The following RDX variants were observed in gnomAD, a reference collection of about 807,000 sequenced individuals.
The protein encoded by RDX is deafness, autosomal recessive 24.
Under a neutral mutation model 83.7 loss-of-function variants are expected in RDX, and 32 were observed. That is an observed-to-expected ratio of 0.38 (90% confidence interval 0.29 to 0.51). RDX has a LOEUF of 0.51. Ranked by LOEUF, RDX falls within the 20% of genes least tolerant of loss-of-function variation. The pLI, the probability that RDX is intolerant of heterozygous loss-of-function variation, is 0.87. For missense variants in RDX, 600 were observed against 689.9 expected (o/e 0.87, Z 1.46); for synonymous variants, 229 against 222.7 (o/e 1.03, Z -0.25).
At chr11:110,225,410 C>T (rs1264853961), downstream of RDX, among the ~76,000 whole-genome samples, 2 of 151,976 alleles carry the variant, frequency 1.3e-5, no homozygotes, top group Non-Finnish European at 2.9e-5. Context: ...AGAATTCCTA[C>T]AACAGAAAAA....
intron 15 of RDX, among the ~76,000 whole-genome samples, chr11:110,192,356 C>G (rs1214980599): frequency 6.6e-6 from 1 of 152,128 alleles, no homozygotes; most frequent in Non-Finnish European, 1.5e-5. Flanking sequence ...GAAACTAGAC[C>G]ACTACCTTTC....
chr11:110,240,988 G>C (rs186815781), intron 10 of RDX, among the ~76,000 whole-genome samples: 1 of 144,720 alleles, frequency 6.9e-6, no homozygotes, highest in Non-Finnish European at 1.5e-5. Context: ...CCCAGGAGGC[G>C]GAGGTTGCAG....
At chr11:110,240,474 T>G (rs1865041732) in intron 10 of RDX, among the ~76,000 whole-genome samples, 1 of 152,176 alleles carries the variant, frequency 6.6e-6, no homozygotes, top group South Asian at 2.1e-4. Context: ...CCGGGCGCGG[T>G]GGCTCACGCC....
At chr11:110,243,413 A>G (rs1273271783) in intron 10 of RDX, among the ~76,000 whole-genome samples, 1 of 152,190 alleles carries the variant, frequency 6.6e-6, no homozygotes, top group Non-Finnish European at 1.5e-5. Context: ...AAACACTAGT[A>G]ACAGGAATAA....
intron 1 of RDX, among the ~76,000 whole-genome samples, chr11:110,286,839 A>T (rs1861000967): frequency 6.6e-6 from 1 of 152,226 alleles, no homozygotes; most frequent in Non-Finnish European, 1.5e-5. Flanking sequence ...AGAAGTTCTT[A>T]ATCATTTTAT....
chr11:110,240,936 A>G (rs1321789345), intron 10 of RDX, among the ~76,000 whole-genome samples: 3 of 143,074 alleles, frequency 2.1e-5, no homozygotes, highest in Non-Finnish European at 4.6e-5. Flanking sequence ...GGCGCCTGTA[A>G]CCTCAGCTAC....
At chr11:110,240,677 G>A (rs542827123) in intron 10 of RDX, among the ~76,000 whole-genome samples, 1 of 149,332 alleles carries the variant, frequency 6.7e-6, no homozygotes, top group African/African-American at 2.5e-5. Flanking sequence ...CCCGGGAGGC[G>A]GAGCTTGCAG....
chr11:110,182,045 C>T (rs894550667), intron 15 of RDX, among the ~76,000 whole-genome samples: 1 of 152,182 alleles, frequency 6.6e-6, no homozygotes, highest in Non-Finnish European at 1.5e-5. Flanking sequence ...CCAGGGCCAG[C>T]ACAAGAGAAG....
chr11:110,239,831 ACT>A (rs1469922210), intron 10 of RDX, among the ~76,000 whole-genome samples: 2 of 147,574 alleles, frequency 1.4e-5, no homozygotes, highest in Admixed American at 6.9e-5. Context: ...ATAGAGGAAG[ACT>A]CTGTTTTTAA....
rs1379664354 is a variant in RDX, at chr11:110,233,275, C to T, written c.1549G>A (p.Glu517Lys). Residue 517 changes from glutamate (E) to lysine (K), a missense_variant, in exon 13 of 14, where the codon GAA becomes AAA. Coordinates refer to ENST00000645495, the MANE Select transcript of RDX (RefSeq NM_002906.4). ...TTAACACGCTCATTTTTCTGTGTTTCGGTTACACGTTCTTCCTCGCTTCTA... is the reference window on the plus strand; with the variant it reads ...TTAACACGCTCATTTTTCTGTGTTTTGGTTACACGTTCTTCCTCGCTTCTA... Reference protein sequence around the residue: ...NHRSEEERVTETQKNERVKKQ... With the variant: ...NHRSEEERVTKTQKNERVKKQ... The T allele has an allele frequency of 2.5e-6, 4 of 1,613,818 alleles. No homozygotes were observed. Among genetic ancestry groups the T allele is most frequent in the Non-Finnish European group, 2.5e-6 (3 of 1,179,974 alleles).
At chr11:110,224,207 TTA>T (rs746401471) in intron 14 of RDX, among the ~76,000 whole-genome samples, 1 of 150,750 alleles carries the variant, frequency 6.6e-6, no homozygotes, top group Admixed American at 6.6e-5. Flanking sequence ...CCCAAACTGT[TTA>T]TATATATATA....
chr11:110,289,985 A>G (rs34146934), intron 1 of RDX, among the ~76,000 whole-genome samples: 1 of 147,892 alleles, frequency 6.8e-6, no homozygotes, highest in African/African-American at 2.5e-5. Flanking sequence ...AAAAAAAACA[A>G]GGGTCCTTAC....
intron 14 of RDX, among the ~76,000 whole-genome samples, chr11:110,215,362 C>CAAA (rs998888063): frequency 2.4e-5 from 3 of 125,810 alleles, no homozygotes; most frequent in Non-Finnish European, 4.9e-5. Flanking sequence ...GACTCCATCT[C>CAAA]AAAAAATAAA....
In RDX at chr11:110,271,537, C is replaced by G. The variant is rs148526337; in HGVS notation, c.96+999G>C. Among the ~76,000 whole-genome samples, 46 of 152,252 alleles carry G rather than the reference C, an allele frequency of 3.0e-4. No homozygotes were observed. In the East Asian group the frequency reaches 5.0e-3, roughly 17 times the overall value. On this transcript the variant is annotated intron_variant, in intron 3 of 13. Coordinates refer to ENST00000645495, the MANE Select transcript of RDX (RefSeq NM_002906.4). ...TACCTCGTTTTCTCAGCAAAACTTGCTTACATTGCAATACAACATTATCTG... is the reference window on the plus strand; with the variant it reads ...TACCTCGTTTTCTCAGCAAAACTTGGTTACATTGCAATACAACATTATCTG...
downstream of RDX, among the ~76,000 whole-genome samples, chr11:110,225,255 A>G (rs923103178): frequency 2.0e-5 from 3 of 152,268 alleles, no homozygotes; most frequent in African/African-American, 7.2e-5. Context: ...CATCAAAATT[A>G]AAAACTTTTG....
At chr11:110,272,452 A>G (rs905225331) in intron 3 of RDX, 84 bp downstream of exon 3, 39 of 922,604 alleles carry the variant, frequency 4.2e-5, no homozygotes, top group Non-Finnish European at 6.3e-5. Context: ...ATTATCAGCA[A>G]AAGTACAGAA....
intron 5 of RDX, among the ~76,000 whole-genome samples, chr11:110,262,382 C>T (rs960065203): frequency 6.6e-6 from 1 of 152,012 alleles, no homozygotes; most frequent in Non-Finnish European, 1.5e-5. Flanking sequence ...ATCAGGAGTT[C>T]GAGACCAGCC....
At chr11:110,251,446 C>T (rs931609534) in intron 9 of RDX, among the ~76,000 whole-genome samples, 1 of 152,068 alleles carries the variant, frequency 6.6e-6, no homozygotes, top group African/African-American at 2.4e-5. Context: ...CTTACAAAAA[C>T]GCTTGAAGGT....
chr11:110,267,304 A>C lies in RDX; in HGVS notation c.97-2430T>G, dbSNP rs543104843. On this transcript the variant is annotated intron_variant, in intron 3 of 13. Transcript: ENST00000645495. Reference sequence around the variant, plus strand: ...AAGGCAGCTAGATCACTTGAGGCTAAGAGTTCAAGACCAGCCTGGTCAACA... The same window carrying C: ...AAGGCAGCTAGATCACTTGAGGCTACGAGTTCAAGACCAGCCTGGTCAACA... Among the ~76,000 whole-genome samples, 307 of 152,136 alleles carry C rather than the reference A, an allele frequency of 2.0e-3. 2 individuals carry two copies. Among genetic ancestry groups the C allele is most frequent in the African/African-American group, 4.8e-3 (198 of 41,544 alleles).
Sources: allele counts gnomAD v4.1 joint callset (sites outside exome capture counted in the v4.1 genomes callset), GRCh38; gene constraint gnomAD v4.1.1; transcripts MANE v1.5; gene names NCBI Gene and HGNC (gene_info 2026-07-23, HGNC 2026-07-21).